The following FMNL2 variants were observed in gnomAD, a reference collection of about 807,000 sequenced individuals.
FMNL2 encodes formin-like protein 2.
A neutral mutation model predicts 130.2 loss-of-function variants in FMNL2; 51 were observed. The observed-to-expected ratio is 0.39, with a 90% confidence interval of 0.31 to 0.49. The LOEUF (loss-of-function observed/expected upper bound fraction) is 0.49, where lower values mean the gene tolerates loss of function less well. FMNL2 is among the 20% of genes least tolerant of loss of function. The pLI is 0.85. For missense variants in FMNL2, 977 were observed against 1,316.2 expected (o/e 0.74, Z 3.99); for synonymous variants, 465 against 467.1 (o/e 1.00, Z 0.06).
intron 1 of FMNL2, among the ~76,000 whole-genome samples, chr2:152,498,870 G>A (rs1277229583): frequency 6.6e-6 from 1 of 152,124 alleles, no homozygotes; most frequent in Non-Finnish European, 1.5e-5. Context: ...TGAAAACATG[G>A]CAAATGGTTC....
chr2:152,478,147 C>T (rs1002581128), intron 1 of FMNL2, among the ~76,000 whole-genome samples: 23 of 151,058 alleles, frequency 1.5e-4, no homozygotes, highest in African/African-American at 4.9e-4. Flanking sequence ...CTGGGGCCTC[C>T]AGGGGACTTT....
chr2:152,387,312 A>C (rs1684838727), intron 1 of FMNL2, among the ~76,000 whole-genome samples: 1 of 152,168 alleles, frequency 6.6e-6, no homozygotes, highest in South Asian at 2.1e-4. Context: ...CAGTAGACAG[A>C]TGCTTTTCTT....
chr2:152,336,490 A>G (rs1579417903), intron 1 of FMNL2, among the ~76,000 whole-genome samples: 1 of 152,228 alleles, frequency 6.6e-6, no homozygotes, highest in South Asian at 2.1e-4. Context: ...ACGCCCAGCC[A>G]GGTCCCCCGC....
At chr2:152,631,392 CAAAAAAAAAAAA>C (rs33966314) in intron 20 of FMNL2, among the ~76,000 whole-genome samples, 46 of 77,242 alleles carry the variant, frequency 6.0e-4, no homozygotes, top group Middle Eastern at 7.7e-3. Context: ...GACTCCATCT[CAAAAAAAAAAAA>C]AAAAAAAAAA....
intron 20 of FMNL2, among the ~76,000 whole-genome samples, chr2:152,631,115 G>C (rs1251356567): frequency 2.0e-5 from 3 of 152,138 alleles, no homozygotes; most frequent in Non-Finnish European, 4.4e-5. Context: ...GCCAGGCCTG[G>C]TGGCTCACAC....
chr2:152,361,276 T>C (rs373610946), intron 1 of FMNL2, among the ~76,000 whole-genome samples: 1 of 152,312 alleles, frequency 6.6e-6, no homozygotes, highest in South Asian at 2.1e-4. Flanking sequence ...CTGTTTGAAA[T>C]TTAGTTTGAT....
Position 152,523,905 on chromosome 2 carries a change from A to G in FMNL2, c.201+1879A>G, listed in dbSNP as rs573064658. Among the ~76,000 whole-genome samples the G allele has an allele frequency of 3.9e-5, 6 of 152,330 alleles. No individual in the cohort carries two copies. In the South Asian group the frequency reaches 1.2e-3, roughly 32 times the overall value. On this transcript the variant is annotated intron_variant, in intron 2 of 25. Transcript: ENST00000288670. ...ATTGAAAACATGTTGAATGAAAGAA[A>G]TAATGGCTAATATGGAAGACAGTGG...
At chr2:152,451,365 G>T (rs1479466154) in intron 1 of FMNL2, among the ~76,000 whole-genome samples, 4 of 152,028 alleles carry the variant, frequency 2.6e-5, no homozygotes, top group African/African-American at 9.7e-5. Flanking sequence ...GGCCAGGCTG[G>T]TCTCGAACTC....
intron 1 of FMNL2, among the ~76,000 whole-genome samples, chr2:152,384,805 G>A (rs1001208635): frequency 3.3e-5 from 5 of 152,094 alleles, no homozygotes; most frequent in Non-Finnish European, 7.3e-5. Flanking sequence ...GCCTGCACAC[G>A]TTTCTAAAAT....
chr2:152,441,216 A>T (rs1473966548), intron 1 of FMNL2, among the ~76,000 whole-genome samples: 2 of 152,224 alleles, frequency 1.3e-5, no homozygotes, highest in Admixed American at 6.5e-5. Flanking sequence ...ACAGCTACAC[A>T]TCTTTATAAA....
intron 1 of FMNL2, among the ~76,000 whole-genome samples, chr2:152,343,733 C>T (rs1446697093): frequency 2.0e-5 from 3 of 152,162 alleles, no homozygotes; most frequent in Non-Finnish European, 4.4e-5. Flanking sequence ...ACTTCCCTTC[C>T]TTGTTTTTTT....
intron 1 of FMNL2, among the ~76,000 whole-genome samples, chr2:152,461,916 A>G (rs1689270133): frequency 1.3e-5 from 2 of 151,284 alleles, no homozygotes; most frequent in African/African-American, 4.9e-5. Context: ...AATTTTTTTG[A>G]GACAAGATCT....
At chr2:152,637,297 T>C (rs181435945) in intron 22 of FMNL2, among the ~76,000 whole-genome samples, 1 of 152,334 alleles carries the variant, frequency 6.6e-6, no homozygotes, top group East Asian at 1.9e-4. Flanking sequence ...GGTGTGTGCG[T>C]GTGCATGCAT....
At chr2:152,456,322 C>CTCT (rs1688952655) in intron 1 of FMNL2, among the ~76,000 whole-genome samples, 2 of 152,180 alleles carry the variant, frequency 1.3e-5, no homozygotes, top group Non-Finnish European at 2.9e-5. Flanking sequence ...TCACCTTGAT[C>CTCT]TCTTACCTGT....
At chr2:152,357,083 TAAATATTACATAAGTTTAATGTATCAC>T (rs1682856276) in intron 1 of FMNL2, among the ~76,000 whole-genome samples, 3 of 106,602 alleles carry the variant, frequency 2.8e-5, no homozygotes, top group African/African-American at 1.2e-4. Context: ...TATATCACGA[TAAATATTACATAAGTTTAATGTATCAC>T]GATAAATATT....
chr2:152,518,735 A>C (rs1432924062), intron 1 of FMNL2, among the ~76,000 whole-genome samples: 1 of 152,150 alleles, frequency 6.6e-6, no homozygotes, highest in Non-Finnish European at 1.5e-5. Context: ...ACCTTTCTTC[A>C]TTCAACGTGC....
chr2:152,470,729 A>G (rs1268407440), intron 1 of FMNL2, among the ~76,000 whole-genome samples: 1 of 152,206 alleles, frequency 6.6e-6, no homozygotes, highest in African/African-American at 2.4e-5. Flanking sequence ...GAATTGTATT[A>G]TGGAATCACA....
intron 12 of FMNL2, among the ~76,000 whole-genome samples, chr2:152,616,245 A>G (rs115123554): frequency 0.016 from 2,496 of 151,524 alleles, 65 homozygotes; most frequent in African/African-American, 0.056. Flanking sequence ...GCATGACCAT[A>G]CTTACATGTC....
At chr2:152,382,647 C>T (rs1467345418) in intron 1 of FMNL2, among the ~76,000 whole-genome samples, 2 of 148,966 alleles carry the variant, frequency 1.3e-5, no homozygotes, top group Non-Finnish European at 3.0e-5. Flanking sequence ...TCTCACCATA[C>T]ACACCCACAC....
Sources: gnomAD v4.1 joint callset for allele counts (sites outside exome capture counted in the v4.1 genomes callset) on GRCh38, gnomAD v4.1.1 for gene constraint, MANE v1.5 for transcripts, NCBI Gene and HGNC (gene_info 2026-07-23, HGNC 2026-07-21) for gene names.